The following ODAD2 variants were observed in gnomAD, a reference collection of about 807,000 sequenced individuals.
ODAD2 encodes the protein outer dynein arm-docking complex subunit 2.
ODAD2 carries 89 observed loss-of-function variants against 106.8 expected under a neutral mutation model. The ratio of observed to expected loss-of-function variants is 0.83; its 90% CI spans 0.70 to 0.99. The LOEUF (loss-of-function observed/expected upper bound fraction) is 0.99. Ranked by LOEUF, ODAD2 falls within the 50% of genes least tolerant of loss-of-function variation. ODAD2 has a pLI of 0.00. For missense variants in ODAD2, 1,168 were observed against 1,238.5 expected, an observed-to-expected ratio of 0.94 and a Z score of 0.85; for synonymous variants, 404 against 436.2, an observed-to-expected ratio of 0.93 and a Z score of 0.92.
At chr10:27,861,832 T>A (rs1320463495) in intron 18 of ODAD2, among the ~76,000 whole-genome samples, 1 of 152,230 alleles carries the variant, frequency 6.6e-6, no homozygotes, top group African/African-American at 2.4e-5. Context: ...CTGACAGATA[T>A]TCTTAGGAAC....
chr10:27,866,344 C>T (rs1273515387), intron 17 of ODAD2, among the ~76,000 whole-genome samples: 1 of 152,088 alleles, frequency 6.6e-6, no homozygotes, highest in Non-Finnish European at 1.5e-5. Context: ...CCCCAGAGCC[C>T]CCTCACAATA....
At position 27,963,722 on chromosome 10, in the gene ODAD2, C is replaced by T. The variant is rs543020571; in HGVS notation, c.1239-2007G>A. Among the ~76,000 whole-genome samples, 128 of 152,164 alleles carry T rather than the reference C, an allele frequency of 8.4e-4. 1 individual carries two copies. In the Middle Eastern group the frequency reaches 0.01, roughly 12 times the overall value. ...ACAGAAATGCTCATGTTTTTGATTACAGGGTATTGGCTCACACTCCAATAG... is the reference window on the plus strand; with the variant it reads ...ACAGAAATGCTCATGTTTTTGATTATAGGGTATTGGCTCACACTCCAATAG... On this transcript the variant is annotated intron_variant, in intron 9 of 19. Transcript: ENST00000305242.
rs759938128 is a variant in ODAD2 at position 27,940,553 on chromosome 10, G to C, written c.1986+10C>G. ...TGAGAAGGCAAGGGAAGCAGAACTG[G>C]CATGAGTACCTCTGATGCACACTCT... On this transcript the variant is annotated intron_variant, in intron 13 of 19. Coordinates refer to ENST00000305242, the MANE Select transcript of ODAD2 (RefSeq NM_018076.5). 15 of 1,613,000 alleles carry C rather than the reference G, an allele frequency of 9.3e-6. No homozygotes were observed. Among genetic ancestry groups the C allele is most frequent in the Non-Finnish European group, 1.2e-5 (14 of 1,179,082 alleles).
rs376283563 is a variant in ODAD2 at position 27,971,315 on chromosome 10, T to C, written c.937-2A>G. ...CTGGTCTTCACTGAAGCTAATTCCC[T>C]TTATTTAAAAAATGAGAATAATTTT... On this transcript the variant is annotated splice_acceptor_variant, in intron 7 of 19. Transcript: ENST00000305242. LOFTEE classifies it high-confidence loss of function. 1.3e-6 allele frequency: 2 copies of C among 1,582,158 alleles called. No individual in the cohort carries two copies. The highest frequency in any genetic ancestry group is 1.4e-5 in the African/African-American group (1 of 72,832).
intron 19 of ODAD2, among the ~76,000 whole-genome samples, chr10:27,830,763 A>C (rs1282831944): frequency 1.3e-5 from 2 of 152,034 alleles, no homozygotes; most frequent in African/African-American, 2.4e-5. Context: ...TGGAGATTCA[A>C]TAAAGTCATT....
intron 19 of ODAD2, among the ~76,000 whole-genome samples, chr10:27,824,090 G>A (rs965698868): frequency 3.0e-5 from 3 of 100,842 alleles, no homozygotes; most frequent in Non-Finnish European, 5.0e-5. Flanking sequence ...GCAGTGAGCC[G>A]AGATTGCGCC....
intron 17 of ODAD2, among the ~76,000 whole-genome samples, chr10:27,883,566 G>A (rs1841886449): frequency 6.6e-6 from 1 of 152,122 alleles, no homozygotes; most frequent in South Asian, 2.1e-4. Context: ...TGACCCTCAA[G>A]AAGCTTGTAT....
chr10:27,859,502 G>A (rs946193045), intron 19 of ODAD2, among the ~76,000 whole-genome samples: 59 of 152,134 alleles, frequency 3.9e-4, no homozygotes, highest in African/African-American at 1.1e-3. Context: ...TTCATATCTA[G>A]CATATCTAGA....
In ODAD2 at chr10:27,940,564, T is replaced by C; in HGVS notation, c.1985A>G (p.Glu662Gly). ...GGGAAGCAGAACTGGCATGAGTACCTCTGATGCACACTCTTGCAATGTCCC... is the reference window on the plus strand; with the variant it reads ...GGGAAGCAGAACTGGCATGAGTACCCCTGATGCACACTCTTGCAATGTCCC... The part of the protein sequence containing the change: ...VVGTLQECAS[E>G]ENYRAAIKAE... Residue 662 changes from glutamate (E) to glycine (G), a missense_variant and splice_region_variant, in exon 13 of 20, where the codon GAG (glutamate) becomes GGG (glycine). Transcript: ENST00000305242. 6.2e-7 allele frequency: 1 copy of C among 1,613,930 alleles called. No individual in the cohort carries two copies. The highest frequency in any genetic ancestry group is 8.5e-7 in the Non-Finnish European group (1 of 1,179,880).
At chr10:27,922,567 G>T (rs1279413457) in intron 16 of ODAD2, among the ~76,000 whole-genome samples, 1 of 152,066 alleles carries the variant, frequency 6.6e-6, no homozygotes, top group Non-Finnish European at 1.5e-5. Flanking sequence ...TTACCATACA[G>T]GCAATAGATG....
chr10:27,886,236 T>C (rs1040181256), intron 17 of ODAD2, among the ~76,000 whole-genome samples: 1 of 150,048 alleles, frequency 6.7e-6, no homozygotes, highest in African/African-American at 2.4e-5. Context: ...CATCCCCTAG[T>C]TGTTGAAAGA....
At chr10:27,862,759 A>G (rs2133346079) in intron 17 of ODAD2, 137 bp from the exon 18 acceptor site, 4 of 523,008 alleles carry the variant, frequency 7.6e-6, no homozygotes, top group East Asian at 3.2e-5. Context: ...TTATTTCTAT[A>G]TTATATATTA....
chr10:27,824,137 T>C (rs1167759890), intron 19 of ODAD2, among the ~76,000 whole-genome samples: 1 of 58,830 alleles, frequency 1.7e-5, no homozygotes, highest in African/African-American at 5.2e-5. Context: ...AGACTCCGTC[T>C]CAAAAAAAAA....
At chr10:27,885,681 A>AAT (rs71388939) in intron 17 of ODAD2, among the ~76,000 whole-genome samples, 1 of 13,550 alleles carries the variant, frequency 7.4e-5, no homozygotes, top group Non-Finnish European at 2.0e-4. Flanking sequence ...AAATATATAT[A>AAT]ATATATAATA....
intron 10 of ODAD2, among the ~76,000 whole-genome samples, chr10:27,956,589 T>G (rs1288908028): frequency 6.6e-6 from 1 of 152,222 alleles, no homozygotes; most frequent in East Asian, 1.9e-4. Context: ...AAAGAAAGCA[T>G]AATTCTAGGC....
chr10:27,958,287 T>C (rs141823232), intron 10 of ODAD2, among the ~76,000 whole-genome samples: 1,891 of 152,328 alleles, frequency 0.012, 39 homozygotes, highest in African/African-American at 0.043. Flanking sequence ...AGTGCATCTC[T>C]TTTTGGCCTA....
At chr10:27,928,620 C>T (rs566575569) in intron 16 of ODAD2, among the ~76,000 whole-genome samples, 50 of 152,152 alleles carry the variant, frequency 3.3e-4, no homozygotes, top group African/African-American at 1.0e-3. Flanking sequence ...CCATTTAAGG[C>T]CCCTTGTTTC....
intron 10 of ODAD2, among the ~76,000 whole-genome samples, chr10:27,955,725 GT>G (rs1264001039): frequency 3.1e-4 from 47 of 151,684 alleles, no homozygotes; most frequent in Non-Finnish European, 4.4e-4. Flanking sequence ...GTGTGTGTGT[GT>G]GTGTGTGTGT....
intron 9 of ODAD2, 47 bp downstream of exon 9, chr10:27,968,876 G>A: frequency 1.9e-6 from 1 of 534,546 alleles, no homozygotes; most frequent in Non-Finnish European, 3.4e-6. Flanking sequence ...GTAGCCCACT[G>A]CGTGAGGGTG....
Sources: gnomAD v4.1 joint callset for allele counts (sites outside exome capture counted in the v4.1 genomes callset) on GRCh38, gnomAD v4.1.1 for gene constraint, MANE v1.5 for transcripts, NCBI Gene and HGNC (gene_info 2026-07-23, HGNC 2026-07-21) for gene names.